The following HSD17B13 variants were observed in gnomAD, a reference collection of about 807,000 sequenced individuals.
HSD17B13 encodes the protein 17-beta-hydroxysteroid dehydrogenase 13.
HSD17B13 carries 26 observed loss-of-function variants against 31.1 expected under a neutral mutation model. That is an observed-to-expected ratio of 0.84 (90% CI 0.61 to 1.16). The LOEUF is 1.16. Ranked by LOEUF, HSD17B13 falls within the 50% of genes most tolerant of loss-of-function variation. HSD17B13 has a pLI of 0.00. For missense variants in HSD17B13, 374 were observed against 366.5 expected (o/e 1.02, Z -0.17); for synonymous variants, 141 against 133.7 (o/e 1.05, Z -0.38).
intron 2 of HSD17B13, among the ~76,000 whole-genome samples, chr4:87,317,562 AC>A (rs1384303008): frequency 4.9e-5 from 3 of 61,040 alleles, no homozygotes; most frequent in Non-Finnish European, 9.1e-5. Context: ...TTTTCTTTAA[AC>A]TTTTTTTTTT....
At position 87,305,239 on chromosome 4, in the gene HSD17B13, G is replaced by T; in HGVS notation, c.882C>A (p.Gly294=). ...MQNIQFEAVV[G]HKIKMK Reference sequence around the variant, plus strand: ...TTATTCATTTCATTTTGATTTTGTGGCCAACCACTGCTTCAAATTGAATAT... The same window carrying T: ...TTATTCATTTCATTTTGATTTTGTGTCCAACCACTGCTTCAAATTGAATAT... The change falls in exon 7 of 7, where the codon GGC becomes GGA. Residue 294 remains glycine, a synonymous_variant. Coordinates refer to ENST00000328546, the MANE Select transcript of HSD17B13 (RefSeq NM_178135.5). The T allele has an allele frequency of 6.2e-7, 1 of 1,605,398 alleles. No individual in the cohort carries two copies.
At chr4:87,319,612 A>G (rs918078490) in intron 1 of HSD17B13, among the ~76,000 whole-genome samples, 1 of 152,178 alleles carries the variant, frequency 6.6e-6, no homozygotes, top group African/African-American at 2.4e-5. Context: ...ATTCTGACTC[A>G]TCCTCCTAGG....
rs67775053 is a variant in HSD17B13, at chr4:87,306,905, T to TAAAA, written c.813-1601_813-1598dup. The stretch of plus-strand genomic sequence containing the variant: ...CTGGGCAACAGAGTGAGACCCAATC[T>TAAAA]AAAAAAAAAAAAAAAAAAAAAAAAA... On this transcript the variant is annotated intron_variant, in intron 6 of 6. Transcript: ENST00000328546. Among the ~76,000 whole-genome samples, 148 of 44,312 alleles carry TAAAA rather than the reference T, an allele frequency of 3.3e-3. 21 individuals carry two copies. Among genetic ancestry groups the TAAAA allele is most frequent in the African/African-American group, 0.017 (139 of 8,106 alleles). The allele number at this position is 44,312 out of a possible 152,430, so 29.1% of individuals were successfully genotyped here. A position where few individuals can be genotyped will look rare whatever the true frequency, so the allele number is the denominator to read the frequency against.
intron 1 of HSD17B13, among the ~76,000 whole-genome samples, chr4:87,319,664 T>C (rs373506243): frequency 3.7e-4 from 57 of 152,306 alleles, no homozygotes; most frequent in African/African-American, 1.3e-3. Flanking sequence ...AGGACTTTCA[T>C]AGGGAGACCA....
chr4:87,316,124 GTCTT>G (rs375694669), intron 3 of HSD17B13, among the ~76,000 whole-genome samples: 188 of 152,230 alleles, frequency 1.2e-3, no homozygotes, highest in African/African-American at 4.2e-3. Flanking sequence ...CAGAAAACAA[GTCTT>G]TCTTTTTTTC....
chr4:87,305,021 C>A lies in HSD17B13; in HGVS notation c.*197G>T. On this transcript the variant is annotated 3_prime_UTR_variant, in exon 7 of 7. Coordinates refer to ENST00000328546, the MANE Select transcript of HSD17B13 (RefSeq NM_178135.5). ...TAAGAGGCATGAAAGGAAAAACAGACCTATGAAAAACTACGTAAATATTCT... is the reference window on the plus strand; with the variant it reads ...TAAGAGGCATGAAAGGAAAAACAGAACTATGAAAAACTACGTAAATATTCT... The A allele has an allele frequency of 2.5e-6, 1 of 403,212 alleles. No homozygotes were observed. Among genetic ancestry groups the A allele is most frequent in the Non-Finnish European group, 4.4e-6 (1 of 229,160 alleles). 25.0% of individuals were successfully genotyped at this position (403,212 alleles called of 1,614,324 possible). A position where few individuals can be genotyped will look rare whatever the true frequency, so the allele number is the denominator to read the frequency against.
chr4:87,312,799 C>T (rs1734564028), intron 5 of HSD17B13, among the ~76,000 whole-genome samples: 1 of 151,926 alleles, frequency 6.6e-6, no homozygotes, highest in South Asian at 2.1e-4. Flanking sequence ...GTGGCTCACT[C>T]CTGTAATCCC....
intron 6 of HSD17B13, among the ~76,000 whole-genome samples, chr4:87,308,657 G>T (rs1024307077): frequency 1.4e-4 from 21 of 150,006 alleles, no homozygotes; most frequent in Non-Finnish European, 3.0e-4. Context: ...CTCCAGCCTG[G>T]GCAACAGAGC....
intron 6 of HSD17B13, among the ~76,000 whole-genome samples, chr4:87,308,503 AAAAAAAAAAAAAAAAAAAAAAAAAAAAAT>A (rs1734443189): frequency 1.2e-5 from 1 of 86,590 alleles, no homozygotes; most frequent in Non-Finnish European, 2.3e-5. Context: ...AAAAAAAAAA[AAAAAAAAAAAAAAAAAAAAAAAAAAAAAT>A]AAGCTGGGCA....
chr4:87,317,310 T>A, intron 2 of HSD17B13, 87 bp from the exon 3 acceptor site: 1 of 1,331,476 alleles, frequency 7.5e-7, no homozygotes, highest in Non-Finnish European at 1.1e-6. Flanking sequence ...TGAGAGTCTT[T>A]CTTCTATTGT....
chr4:87,317,827 T>C (rs1250298243), intron 2 of HSD17B13, among the ~76,000 whole-genome samples: 1 of 152,062 alleles, frequency 6.6e-6, no homozygotes, highest in African/African-American at 2.4e-5. Flanking sequence ...AGAGTTATTG[T>C]AGGGATTGAA....
intron 5 of HSD17B13, among the ~76,000 whole-genome samples, chr4:87,312,553 G>A (rs1256773532): frequency 7.6e-5 from 9 of 118,930 alleles, no homozygotes; most frequent in Non-Finnish European, 1.5e-4. Context: ...TTTTTGAGAC[G>A]GAGTCTCGCT....
intron 3 of HSD17B13, among the ~76,000 whole-genome samples, chr4:87,315,852 A>T (rs1734639940): frequency 6.6e-6 from 1 of 152,102 alleles, no homozygotes. Context: ...AATCAAATAG[A>T]TCCTTTTTTG....
intron 3 of HSD17B13, 100 bp downstream of exon 3, chr4:87,316,992 C>A (rs1734662737): frequency 8.4e-7 from 1 of 1,187,028 alleles, no homozygotes; most frequent in African/African-American, 1.5e-5. Flanking sequence ...AGGCAAAGAT[C>A]TGGCCAGTTT....
In HSD17B13 at chr4:87,313,971, A is replaced by T. The variant is rs755178310; in HGVS notation, c.558-11T>A. On this transcript the variant is annotated splice_polypyrimidine_tract_variant and intron_variant, in intron 4 of 6. Coordinates refer to ENST00000328546, the MANE Select transcript of HSD17B13 (RefSeq NM_178135.5). ...GCAAATTTGCTGGAACTGTAAGAGA[A>T]TTATTAAGCATTGTTAGCTAAGGGA... is the stretch of plus-strand genomic sequence containing the variant. 1.3e-6 allele frequency: 2 copies of T among 1,529,836 alleles called. No individual in the cohort carries two copies. Among genetic ancestry groups the T allele is most frequent in the Non-Finnish European group, 1.8e-6 (2 of 1,138,562 alleles). 94.8% of individuals were successfully genotyped at this position (1,529,836 alleles called of 1,614,324 possible). A position where few individuals can be genotyped will look rare whatever the true frequency, so the allele number is the denominator to read the frequency against.
At chr4:87,310,846 A>AG (rs1182292852) in intron 5 of HSD17B13, among the ~76,000 whole-genome samples, 3 of 152,222 alleles carry the variant, frequency 2.0e-5, no homozygotes, top group Non-Finnish European at 4.4e-5. Context: ...CATCTTGAAT[A>AG]GGGTCTGGGT....
chr4:87,305,420 C>T (rs6850509), intron 6 of HSD17B13, 112 bp from the exon 7 acceptor site: 248,694 of 537,974 alleles, frequency 0.46, 60,120 homozygotes, highest in African/African-American at 0.66. Flanking sequence ...TTGCGTTTAA[C>T]TTTCCTCCGT....
intron 1 of HSD17B13, 92 bp from the exon 2 acceptor site, chr4:87,318,528 G>GCGCCTA: frequency 4.0e-6 from 4 of 997,242 alleles, no homozygotes; most frequent in South Asian, 1.3e-5. Flanking sequence ...GGCTAGGCGC[G>GCGCCTA]GTGGCTCACG....
intron 5 of HSD17B13, among the ~76,000 whole-genome samples, chr4:87,312,746 T>C (rs562879286): frequency 6.1e-4 from 92 of 151,798 alleles, no homozygotes; most frequent in Admixed American, 1.1e-3. Context: ...TTAGCCAGGA[T>C]GACCTTTAAT....
Sources: allele counts gnomAD v4.1 joint callset (sites outside exome capture counted in the v4.1 genomes callset), GRCh38; gene constraint gnomAD v4.1.1; transcripts MANE v1.5; gene names NCBI Gene and HGNC (gene_info 2026-07-23, HGNC 2026-07-21).